UNC80: variants seen among roughly 807,000 people sequenced by gnomAD.
The protein encoded by UNC80 is protein unc-80 homolog.
A neutral mutation model predicts 384.6 loss-of-function variants in UNC80; 164 were observed. That is an observed-to-expected ratio of 0.43 (90% confidence interval 0.38 to 0.49). The LOEUF is 0.49. Ranked by LOEUF, UNC80 falls within the 20% of genes least tolerant of loss-of-function variation. The pLI is 0.00. For missense variants in UNC80, 3,330 were observed against 4,143.0 expected, an observed-to-expected ratio of 0.80 and a Z score of 5.39; for synonymous variants, 1,486 against 1,527.8, an observed-to-expected ratio of 0.97 and a Z score of 0.64.
chr2:209,818,994 G>A lies in UNC80; in HGVS notation c.1695G>A (p.Val565=). 1 of 1,551,048 alleles carries A rather than the reference G, an allele frequency of 6.4e-7. No homozygotes were observed. The highest frequency in any genetic ancestry group is 8.7e-7 in the Non-Finnish European group (1 of 1,146,530). The part of the protein sequence containing the change: ...NSHGENTVKE[V]RSQISTITVA... ...AAGACATTGCTTTCATTTTATTAGTGCGATCTCAGATCTCCACCATCACAG... is the reference window on the plus strand; with the variant it reads ...AAGACATTGCTTTCATTTTATTAGTACGATCTCAGATCTCCACCATCACAG... The change falls in exon 12 of 65, where the codon GTG becomes GTA. Residue 565 remains valine, a splice_region_variant and synonymous_variant. Transcript: ENST00000673920.
At chr2:209,792,504 C>T (rs557402333) in intron 6 of UNC80, among the ~76,000 whole-genome samples, 9 of 152,044 alleles carry the variant, frequency 5.9e-5, no homozygotes, top group Admixed American at 4.6e-4. Context: ...CCCACCACCG[C>T]GCCCAGCTAA....
chr2:209,895,031 T>C (rs990612333), intron 27 of UNC80, among the ~76,000 whole-genome samples: 1 of 152,072 alleles, frequency 6.6e-6, no homozygotes, highest in Non-Finnish European at 1.5e-5. Context: ...AAGATGACCA[T>C]ACAATGTGTT....
intron 51 of UNC80, 27 bp from the exon 52 acceptor site, chr2:209,967,410 A>C (rs1413952924): frequency 1.4e-6 from 2 of 1,404,116 alleles, no homozygotes; most frequent in Non-Finnish European, 1.9e-6. Context: ...ATACTTTAAA[A>C]TATATATACA....
chr2:209,982,097 C>T lies in UNC80; in HGVS notation c.9119-82C>T, dbSNP rs1454452222. The T allele has an allele frequency of 3.5e-6, 5 of 1,419,596 alleles. No homozygotes were observed. In the African/African-American group the frequency reaches 4.3e-5, roughly 12 times the overall value. The allele number at this position is 1,419,596 out of a possible 1,614,324, so 87.9% of individuals were successfully genotyped here. A position where few individuals can be genotyped will look rare whatever the true frequency, so the allele number is the denominator to read the frequency against. Reference sequence around the variant, plus strand: ...CCCTAAGTTGTACACAAGCCAAGGACAGAACCCAAGTACAGCTTTGGTTGG... The same window carrying T: ...CCCTAAGTTGTACACAAGCCAAGGATAGAACCCAAGTACAGCTTTGGTTGG... On this transcript the variant is annotated intron_variant, in intron 59 of 64. Transcript: ENST00000673920.
intron 36 of UNC80, among the ~76,000 whole-genome samples, chr2:209,928,546 TTTAA>T (rs2124962382): frequency 6.6e-6 from 1 of 152,248 alleles, no homozygotes; most frequent in South Asian, 2.1e-4. Flanking sequence ...TTTTTAAAGT[TTTAA>T]TTGACACATA....
At position 209,941,254 on chromosome 2, in the gene UNC80, A is replaced by G; in HGVS notation, c.6680A>G (p.Gln2227Arg). The change falls in exon 44 of 65, where the codon CAG becomes CGG. Residue 2227 changes from glutamine to arginine, a missense_variant. Physicochemically the swap from Gln to Arg is conservative, Grantham distance 43. This residue lies in a region of UNC80 where 1,049 missense variants were observed against 1,488.6 expected (regional missense o/e 0.70). Transcript: ENST00000673920. ...GAACTGTTTGGCCTCGACACTCTTCAGAAAAGCTTGTGGATCCAGCTGCTG... is the reference window on the plus strand; with the variant it reads ...GAACTGTTTGGCCTCGACACTCTTCGGAAAAGCTTGTGGATCCAGCTGCTG... ...GKELFGLDTLQKSLWIQLLEE... is the reference protein window; with the variant it reads ...GKELFGLDTLRKSLWIQLLEE... 1.3e-6 allele frequency: 2 copies of G among 1,534,824 alleles called. No individual in the cohort carries two copies. Among genetic ancestry groups the G allele is most frequent in the South Asian group, 2.4e-5 (2 of 83,028 alleles).
At chr2:209,886,468 T>C (rs186401054) in intron 25 of UNC80, among the ~76,000 whole-genome samples, 1 of 152,194 alleles carries the variant, frequency 6.6e-6, no homozygotes, top group African/African-American at 2.4e-5. Context: ...ATATGATCTC[T>C]AGGATAAACA....
chr2:209,881,182 T>C (rs777832431), intron 25 of UNC80, 88 bp downstream of exon 25: 27 of 1,424,182 alleles, frequency 1.9e-5, no homozygotes, highest in Non-Finnish European at 2.2e-5. Context: ...TTTTCTTAAA[T>C]GTTCCATGGC....
At position 209,849,605 on chromosome 2, in the gene UNC80, A is replaced by G. The variant is rs1450610826; in HGVS notation, c.3609A>G (p.Leu1203=). Residue 1203 remains leucine, a synonymous_variant, in exon 22 of 65, where the codon CTA becomes CTG. Transcript: ENST00000673920. ...EPGTIPDASI[L]AAALDLEAPV... ...GGACAATTCCTGATGCCTCCATCCT[A>G]GCAGCTGCCTTGGATCTAGTAAGTT... 6.4e-7 allele frequency: 1 copy of G among 1,550,764 alleles called. No homozygotes were observed. Among genetic ancestry groups the G allele is most frequent in the South Asian group, 1.2e-5 (1 of 84,014 alleles).
intron 6 of UNC80, 137 bp from the exon 7 acceptor site, chr2:209,793,583 T>C (rs2077965123): frequency 1.0e-6 from 1 of 972,522 alleles, no homozygotes; most frequent in Non-Finnish European, 1.4e-6. Flanking sequence ...GCCCATAATA[T>C]CATAATTAAC....
rs2153824676 is a variant in UNC80 at position 209,777,420 on chromosome 2, A to C, written c.461A>C (p.Asn154Thr). The C allele has an allele frequency of 6.2e-7, 1 of 1,614,180 alleles. No homozygotes were observed. Among genetic ancestry groups the C allele is most frequent in the East Asian group, 2.2e-5 (1 of 44,874 alleles). ...SSSAFIHQVE[N>T]QGSPGQPCQS... Reference sequence around the variant, plus strand: ...AGTGCTTTCATCCACCAGGTTGAAAACCAGGGTTCTCCAGGGCAGCCTTGC... The same window carrying C: ...AGTGCTTTCATCCACCAGGTTGAAACCCAGGGTTCTCCAGGGCAGCCTTGC... Residue 154 changes from asparagine (N) to threonine (T), a missense_variant, in exon 4 of 65, where the codon AAC (asparagine) becomes ACC (threonine). Around this residue, in one of 8 missense-constraint regions of UNC80, gnomAD observed 937 missense variants for 1,026.8 expected, o/e 0.91. Coordinates refer to ENST00000673920, the MANE Select transcript of UNC80 (RefSeq NM_001371986.1).
At chr2:209,940,714 G>T (rs2091572515) in intron 43 of UNC80, among the ~76,000 whole-genome samples, 1 of 152,110 alleles carries the variant, frequency 6.6e-6, no homozygotes, top group African/African-American at 2.4e-5. Context: ...CTACTCAGGG[G>T]TCTGAAGCAT....
chr2:209,896,322 C>A lies in UNC80; in HGVS notation c.4490C>A (p.Pro1497His), dbSNP rs1195120904. Residue 1497 changes from proline (P) to histidine (H), a missense_variant, in exon 28 of 65, where the codon CCT (proline) becomes CAT (histidine). This residue lies in a region of UNC80 where 801 missense variants were observed against 950.8 expected (regional missense o/e 0.84). Coordinates refer to ENST00000673920, the MANE Select transcript of UNC80 (RefSeq NM_001371986.1). Reference sequence around the variant, plus strand: ...TATTTTTCTTTTGAAGAAGGGAGTCCTTGGAGTGCAAGCGAGCCCAGCATT... The same window carrying A: ...TATTTTTCTTTTGAAGAAGGGAGTCATTGGAGTGCAAGCGAGCCCAGCATT... Reference protein sequence around the residue: ...RDTVTDLEGSPWSASEPSIEP... With the variant: ...RDTVTDLEGSHWSASEPSIEP... The A allele has an allele frequency of 1.9e-6, 3 of 1,551,554 alleles. No homozygotes were observed. Among genetic ancestry groups the A allele is most frequent in the Non-Finnish European group, 2.6e-6 (3 of 1,146,912 alleles).
intron 29 of UNC80, among the ~76,000 whole-genome samples, chr2:209,911,120 C>T (rs367966410): frequency 1.3e-5 from 2 of 151,940 alleles, no homozygotes; most frequent in Admixed American, 1.3e-4. Context: ...CTTCACAGGG[C>T]GGCAGGAGAG....
intron 59 of UNC80, 121 bp from the exon 60 acceptor site, chr2:209,982,058 A>T: frequency 1.1e-6 from 1 of 921,322 alleles, no homozygotes; most frequent in Non-Finnish European, 1.5e-6. Flanking sequence ...ATGATAATTT[A>T]GATTTACACA....
chr2:209,810,021 A>T (rs1263986841), intron 7 of UNC80, among the ~76,000 whole-genome samples: 2 of 152,090 alleles, frequency 1.3e-5, no homozygotes, highest in Non-Finnish European at 2.9e-5. Context: ...ACCCTCCGCG[A>T]GGTTTGACTA....
chr2:209,980,698 G>T (rs1189524790), intron 59 of UNC80, among the ~76,000 whole-genome samples: 1 of 152,164 alleles, frequency 6.6e-6, no homozygotes, highest in East Asian at 1.9e-4. Context: ...TACATTCTCT[G>T]CTTTCTAAGA....
chr2:209,837,049 CA>C (rs1197476493), intron 18 of UNC80, among the ~76,000 whole-genome samples: 2 of 152,064 alleles, frequency 1.3e-5, no homozygotes, highest in Non-Finnish European at 2.9e-5. Context: ...ACTGAGAAAT[CA>C]AATTTTAGAA....
At chr2:209,909,549 A>T (rs1477789535) in intron 29 of UNC80, among the ~76,000 whole-genome samples, 2 of 152,178 alleles carry the variant, frequency 1.3e-5, no homozygotes, top group Non-Finnish European at 2.9e-5. Flanking sequence ...AGATGGCATC[A>T]TTATTTTTCT....
Sources: allele counts gnomAD v4.1 joint callset (sites outside exome capture counted in the v4.1 genomes callset), GRCh38; gene constraint gnomAD v4.1.1; regional missense constraint gnomAD v4.1.1; transcripts MANE v1.5; gene names NCBI Gene and HGNC (gene_info 2026-07-23, HGNC 2026-07-21).